The following UBOX5 variants were observed in gnomAD, a reference collection of about 807,000 sequenced individuals.
UBOX5 encodes U-box domain containing 5, also known as RING finger protein 37.
In UBOX5, 28 loss-of-function variants were observed where a neutral mutation model predicts 39.0. The ratio of observed to expected loss-of-function variants is 0.72; its 90% CI spans 0.53 to 0.98. The LOEUF (loss-of-function observed/expected upper bound fraction) is 0.98. Ranked by LOEUF, UBOX5 falls within the 50% of genes least tolerant of loss-of-function variation. The pLI, the probability that UBOX5 is intolerant of heterozygous loss-of-function variation, is 0.00. For synonymous variants in UBOX5, 283 were observed against 275.5 expected (o/e 1.03, Z -0.27); for missense variants, 585 against 674.4 (o/e 0.87, Z 1.47).
chr20:3,148,882 G>C lies in UBOX5; in HGVS notation c.-42+10884C>G, dbSNP rs79033323. The C allele has an allele frequency of 8.7e-5, 140 of 1,614,216 alleles. No homozygotes were observed. The highest frequency in any genetic ancestry group is 1.1e-4 in the Non-Finnish European group (130 of 1,180,034). On this transcript the variant is annotated intron_variant, in intron 1 of 4. Coordinates refer to ENST00000217173, the MANE Select transcript of UBOX5 (RefSeq NM_014948.4). The stretch of plus-strand genomic sequence containing the variant: ...TGGTTGTCAGGATTCTCCGAGAAGA[G>C]AAGGTGCTACATATGTTCTTAACTT...
intron 1 of UBOX5, among the ~76,000 whole-genome samples, chr20:3,126,647 G>A (rs1600380764): frequency 6.6e-6 from 1 of 151,246 alleles, no homozygotes; most frequent in East Asian, 1.9e-4. Context: ...GGGAGGGAGG[G>A]AGAGAAGACA....
rs151265559 is a variant in UBOX5 at position 3,112,822 on chromosome 20, C to T, written c.1417+2483G>A. On this transcript the variant is annotated intron_variant, in intron 4 of 4. Transcript: ENST00000217173. The stretch of plus-strand genomic sequence containing the variant: ...TCTAACTAAAAATACAAAAATTAGC[C>T]GGGCGTGGTGGCGGGCGCCTGTAGC... Among the ~76,000 whole-genome samples the T allele has an allele frequency of 2.0e-3, 308 of 151,426 alleles. 2 individuals carry two copies. Among genetic ancestry groups the T allele is most frequent in the African/African-American group, 7.1e-3 (292 of 41,206 alleles).
chr20:3,112,976 G>A (rs992794800), intron 4 of UBOX5, among the ~76,000 whole-genome samples: 8 of 149,100 alleles, frequency 5.4e-5, no homozygotes, highest in Non-Finnish European at 1.0e-4. Flanking sequence ...AAAAAGAAAA[G>A]AAAAAGACAC....
At chr20:3,124,851 C>T in intron 1 of UBOX5, among the ~76,000 whole-genome samples, 1 of 149,638 alleles carries the variant, frequency 6.7e-6, no homozygotes, top group East Asian at 2.0e-4. Flanking sequence ...CTGGCTGCCC[C>T]TTCTGAGAAG....
At chr20:3,113,211 C>T (rs1160827936) in intron 4 of UBOX5, among the ~76,000 whole-genome samples, 2 of 151,324 alleles carry the variant, frequency 1.3e-5, no homozygotes, top group African/African-American at 4.9e-5. Flanking sequence ...TTGCTTGAAC[C>T]CAGGAAGTGG....
At chr20:3,123,763 G>C (rs188014085) in intron 1 of UBOX5, among the ~76,000 whole-genome samples, 2 of 152,216 alleles carry the variant, frequency 1.3e-5, no homozygotes, top group Non-Finnish European at 2.9e-5. Context: ...AGAGTGTTCG[G>C]AATGGAAAGG....
intron 1 of UBOX5, among the ~76,000 whole-genome samples, chr20:3,153,820 A>G (rs1345378019): frequency 1.3e-5 from 2 of 152,174 alleles, no homozygotes; most frequent in Admixed American, 1.3e-4. Context: ...CAGTTTTTGG[A>G]CTATGTGCTT....
At chr20:3,151,979 C>T (rs889192277) in intron 1 of UBOX5, 2 of 151,066 alleles carry the variant, frequency 1.3e-5, no homozygotes, top group South Asian at 2.1e-4. Context: ...GTGGCATGAG[C>T]GTGTAATCCC....
intron 1 of UBOX5, among the ~76,000 whole-genome samples, chr20:3,139,833 CTGAG>C (rs1402760283): frequency 3.3e-5 from 5 of 151,962 alleles, no homozygotes; most frequent in Admixed American, 6.6e-5. Context: ...CCTCAGCCTC[CTGAG>C]TAACTGGTAT....
chr20:3,113,980 A>G (rs2066274340), intron 4 of UBOX5, among the ~76,000 whole-genome samples: 1 of 152,166 alleles, frequency 6.6e-6, no homozygotes, highest in African/African-American at 2.4e-5. Flanking sequence ...CTAAAAATAC[A>G]AAAATTAGCT....
At chr20:3,132,776 C>T (rs929072375) in intron 1 of UBOX5, among the ~76,000 whole-genome samples, 13 of 147,762 alleles carry the variant, frequency 8.8e-5, no homozygotes, top group Non-Finnish European at 1.5e-4. Context: ...GCCAAGATAG[C>T]GCCACTGCAC....
intron 1 of UBOX5, among the ~76,000 whole-genome samples, chr20:3,152,741 C>T (rs577244071): frequency 3.9e-5 from 6 of 151,914 alleles, no homozygotes; most frequent in Non-Finnish European, 8.8e-5. Context: ...AACGCCATCT[C>T]TACTAAAAAT....
chr20:3,144,953 G>A (rs1458695796), intron 1 of UBOX5, among the ~76,000 whole-genome samples: 1 of 152,166 alleles, frequency 6.6e-6, no homozygotes, highest in African/African-American at 2.4e-5. Flanking sequence ...GGTAGGGGGA[G>A]TTTATGCAAG....
At chr20:3,124,469 G>A (rs1351674800) in intron 1 of UBOX5, among the ~76,000 whole-genome samples, 8 of 152,136 alleles carry the variant, frequency 5.3e-5, no homozygotes, top group Admixed American at 3.3e-4. Context: ...ATCTCGGCTC[G>A]CTACAACCTC....
In UBOX5 at chr20:3,159,824, G is replaced by C. The variant is rs966545610; in HGVS notation, c.-100C>G. Reference sequence around the variant, plus strand: ...AACCGGGGACGCCGCGGGCGGCGGCGACACAGATACTGGCTCCTCCGGCGA... The same window carrying C: ...AACCGGGGACGCCGCGGGCGGCGGCCACACAGATACTGGCTCCTCCGGCGA... On this transcript the variant is annotated 5_prime_UTR_variant, in exon 1 of 5. Coordinates refer to ENST00000217173, the MANE Select transcript of UBOX5 (RefSeq NM_014948.4). 1 of 152,258 alleles carries C rather than the reference G, an allele frequency of 6.6e-6. No individual in the cohort carries two copies. Among genetic ancestry groups the C allele is most frequent in the Non-Finnish European group, 1.5e-5 (1 of 68,060 alleles). The allele number at this position is 152,258 out of a possible 1,614,324, so 9.4% of individuals were successfully genotyped here.
chr20:3,138,923 AAAGT>A (rs1487922940), intron 1 of UBOX5, among the ~76,000 whole-genome samples: 5 of 152,174 alleles, frequency 3.3e-5, no homozygotes, highest in Admixed American at 6.6e-5. Context: ...GATGTAATGA[AAAGT>A]AATTCTGGCA....
chr20:3,143,121 T>C (rs2066532192), intron 1 of UBOX5, among the ~76,000 whole-genome samples: 1 of 146,220 alleles, frequency 6.8e-6, no homozygotes, highest in Non-Finnish European at 1.5e-5. Flanking sequence ...TTTTTTTTTT[T>C]TTGAGACAGA....
intron 1 of UBOX5, among the ~76,000 whole-genome samples, chr20:3,145,510 G>A (rs1265462744): frequency 6.7e-6 from 1 of 149,840 alleles, no homozygotes; most frequent in African/African-American, 2.5e-5. Context: ...TGTCATCTCA[G>A]CTCACTGCAG....
At chr20:3,134,117 T>C (rs1363402523) in intron 1 of UBOX5, among the ~76,000 whole-genome samples, 1 of 152,084 alleles carries the variant, frequency 6.6e-6, no homozygotes, top group Non-Finnish European at 1.5e-5. Flanking sequence ...CATATATATA[T>C]ATAAACTACA....
Sources: gnomAD v4.1 joint callset for allele counts (sites outside exome capture counted in the v4.1 genomes callset) on GRCh38, gnomAD v4.1.1 for gene constraint, MANE v1.5 for transcripts, NCBI Gene and HGNC (gene_info 2026-07-23, HGNC 2026-07-21) for gene names.